Variants in MACROD2 observed in about 807,000 individuals in gnomAD.
MACROD2 encodes the protein mono-ADP ribosylhydrolase 2, also known as ADP-ribose glycohydrolase MACROD2.
In MACROD2, 36 loss-of-function variants were observed where a neutral mutation model predicts 70.4. That is an observed-to-expected ratio of 0.51 (90% CI 0.39 to 0.68). MACROD2 has a LOEUF of 0.68. MACROD2 is among the 30% of genes least tolerant of loss of function. The pLI, the probability that MACROD2 is intolerant of heterozygous loss-of-function variation, is 0.00. For synonymous variants in MACROD2, 172 were observed against 178.8 expected (o/e 0.96, Z 0.30); for missense variants, 496 against 538.4 (o/e 0.92, Z 0.78).
chr20:16,042,515 A>G (rs1568731382), intron 16 of MACROD2, among the ~76,000 whole-genome samples: 1 of 152,084 alleles, frequency 6.6e-6, no homozygotes. Context: ...TCAGAGGTAA[A>G]GAGACATGTT....
chr20:15,325,751 GT>G (rs1273502254), intron 6 of MACROD2, among the ~76,000 whole-genome samples: 1 of 152,144 alleles, frequency 6.6e-6, no homozygotes, highest in Non-Finnish European at 1.5e-5. Flanking sequence ...GGGAACAGGG[GT>G]TCCATTAGCA....
At chr20:15,388,031 A>G (rs189840428) in intron 6 of MACROD2, among the ~76,000 whole-genome samples, 293 of 152,160 alleles carry the variant, frequency 1.9e-3, no homozygotes, top group African/African-American at 6.3e-3. Flanking sequence ...GATGTTTTAA[A>G]CTGTTAGTGG....
chr20:14,346,388 T>G (rs551830916), intron 3 of MACROD2, among the ~76,000 whole-genome samples: 3 of 152,174 alleles, frequency 2.0e-5, no homozygotes, highest in African/African-American at 4.8e-5. Flanking sequence ...TCTTTTCCCT[T>G]GGCTTCTTTG....
At chr20:15,095,311 G>A (rs1478832670) in intron 5 of MACROD2, among the ~76,000 whole-genome samples, 4 of 151,758 alleles carry the variant, frequency 2.6e-5, no homozygotes, top group African/African-American at 4.8e-5. Flanking sequence ...TCCAGACCTC[G>A]TGATCCACCC....
chr20:15,636,144 TC>T (rs2049365810), intron 8 of MACROD2, among the ~76,000 whole-genome samples: 1 of 117,762 alleles, frequency 8.5e-6, no homozygotes. Flanking sequence ...AAAAAAGAAA[TC>T]CCCTAGGGCT....
chr20:15,395,456 A>G (rs572874900), intron 6 of MACROD2, among the ~76,000 whole-genome samples: 2 of 152,172 alleles, frequency 1.3e-5, no homozygotes, highest in Non-Finnish European at 2.9e-5. Flanking sequence ...TAATTAACAC[A>G]AGGGTTGGCA....
intron 5 of MACROD2, among the ~76,000 whole-genome samples, chr20:14,761,546 T>G (rs1353406375): frequency 6.6e-6 from 1 of 152,148 alleles, no homozygotes; most frequent in Non-Finnish European, 1.5e-5. Context: ...CTAAACTTGT[T>G]TTTTATTCCC....
chr20:15,904,835 C>T (rs184860010), intron 10 of MACROD2, among the ~76,000 whole-genome samples: 474 of 145,952 alleles, frequency 3.2e-3, no homozygotes, highest in Non-Finnish European at 5.5e-3. Context: ...GAGCCACGAT[C>T]GCAGCACTGC....
chr20:15,038,028 T>C (rs2075327507), intron 5 of MACROD2, among the ~76,000 whole-genome samples: 1 of 152,166 alleles, frequency 6.6e-6, no homozygotes, highest in Non-Finnish European at 1.5e-5. Context: ...TATACATGTA[T>C]CAGAATATCA....
chr20:15,787,381 G>C (rs1225820409), intron 8 of MACROD2, among the ~76,000 whole-genome samples: 2 of 152,158 alleles, frequency 1.3e-5, no homozygotes, highest in African/African-American at 4.8e-5. Context: ...CTGTGATGCT[G>C]AGGTTTGGGG....
intron 5 of MACROD2, among the ~76,000 whole-genome samples, chr20:14,866,350 A>C (rs1427590334): frequency 6.6e-6 from 1 of 152,138 alleles, no homozygotes; most frequent in African/African-American, 2.4e-5. Flanking sequence ...GATCACATCC[A>C]AAGTGCACTC....
intron 2 of MACROD2, among the ~76,000 whole-genome samples, chr20:14,075,663 C>G (rs1306948977): frequency 2.0e-5 from 3 of 152,100 alleles, no homozygotes; most frequent in Non-Finnish European, 4.4e-5. Flanking sequence ...CCTTCAAAGC[C>G]TTACCTCTTT....
At chr20:15,100,849 G>T (rs1348654732) in intron 5 of MACROD2, among the ~76,000 whole-genome samples, 1 of 152,090 alleles carries the variant, frequency 6.6e-6, no homozygotes, top group Non-Finnish European at 1.5e-5. Context: ...AGAAAGCCAT[G>T]AAATGAGAAC....
intron 5 of MACROD2, among the ~76,000 whole-genome samples, chr20:15,149,102 T>C (rs1161877292): frequency 1.3e-5 from 2 of 152,026 alleles, no homozygotes; most frequent in Non-Finnish European, 2.9e-5. Context: ...TTATTTGACT[T>C]GGGGCATGTT....
At chr20:15,392,877 A>G (rs887013659) in intron 6 of MACROD2, among the ~76,000 whole-genome samples, 2 of 151,836 alleles carry the variant, frequency 1.3e-5, no homozygotes, top group African/African-American at 4.8e-5. Context: ...AAAAGAGGAA[A>G]TTGTACAGTG....
intron 5 of MACROD2, among the ~76,000 whole-genome samples, chr20:14,722,698 A>C (rs750446171): frequency 6.6e-6 from 1 of 152,178 alleles, no homozygotes; most frequent in Non-Finnish European, 1.5e-5. Context: ...GTTCAAGTAG[A>C]ATTTAGTTGC....
chr20:14,321,520 A>G (rs1161844511), intron 3 of MACROD2, among the ~76,000 whole-genome samples: 1 of 152,222 alleles, frequency 6.6e-6, no homozygotes, highest in African/African-American at 2.4e-5. Context: ...TAATTCTAAG[A>G]CTATGCTAAA....
At chr20:14,249,718 C>CT (rs919450127) in intron 3 of MACROD2, among the ~76,000 whole-genome samples, 44 of 152,068 alleles carry the variant, frequency 2.9e-4, no homozygotes, top group African/African-American at 1.0e-3. Flanking sequence ...CCTTGTAAAG[C>CT]TTTTTTTAAA....
At chr20:14,049,354 A>G (rs2053529575) in intron 2 of MACROD2, among the ~76,000 whole-genome samples, 2 of 152,050 alleles carry the variant, frequency 1.3e-5, no homozygotes, top group South Asian at 4.1e-4. Context: ...CCTGAGGTTC[A>G]GTGGACCTCA....
Sources: allele counts gnomAD v4.1 joint callset (sites outside exome capture counted in the v4.1 genomes callset), GRCh38; gene constraint gnomAD v4.1.1; transcripts MANE v1.5; gene names NCBI Gene and HGNC (gene_info 2026-07-23, HGNC 2026-07-21).